SLC35F4: variants seen among roughly 807,000 people sequenced by gnomAD.
SLC35F4 encodes the protein chromosome 14 open reading frame 36.
Under a neutral mutation model 44.2 loss-of-function variants are expected in SLC35F4, and 24 were observed. That is an observed-to-expected ratio of 0.54 (90% confidence interval 0.39 to 0.76). SLC35F4 has a LOEUF of 0.76. SLC35F4 is among the 30% of genes least tolerant of loss of function. The pLI is 0.00. For synonymous variants in SLC35F4, 238 were observed against 223.6 expected, an observed-to-expected ratio of 1.06 and a Z score of -0.57; for missense variants, 562 against 586.1, an observed-to-expected ratio of 0.96 and a Z score of 0.42.
chr14:57,773,966 T>C (rs2077428717), intron 1 of SLC35F4, among the ~76,000 whole-genome samples: 1 of 152,188 alleles, frequency 6.6e-6, no homozygotes, highest in Non-Finnish European at 1.5e-5. Context: ...TTAGTGGAGT[T>C]CAGAAAACAA....
intron 1 of SLC35F4, among the ~76,000 whole-genome samples, chr14:57,923,875 T>C (rs1445736602): frequency 6.6e-6 from 1 of 152,262 alleles, no homozygotes; most frequent in Non-Finnish European, 1.5e-5. Context: ...ATGGTTCGGC[T>C]GTGTCCCCAC....
At chr14:57,778,925 G>T (rs1203546863) in intron 1 of SLC35F4, among the ~76,000 whole-genome samples, 1 of 152,084 alleles carries the variant, frequency 6.6e-6, no homozygotes, top group Non-Finnish European at 1.5e-5. Flanking sequence ...TGAAACCAAT[G>T]AGAATAATGA....
At chr14:57,676,553 T>A (rs1213392579) in intron 1 of SLC35F4, among the ~76,000 whole-genome samples, 1 of 152,230 alleles carries the variant, frequency 6.6e-6, no homozygotes, top group Admixed American at 6.5e-5. Context: ...TTGCACATCC[T>A]GCACATGTAT....
intron 1 of SLC35F4, chr14:57,837,659 A>G (rs1466096988): frequency 6.6e-6 from 1 of 152,146 alleles, no homozygotes; most frequent in Non-Finnish European, 1.5e-5. Context: ...ACCGTCACAT[A>G]TCATACCATC....
upstream of SLC35F4, chr14:57,866,155 G>T (rs1888146440): frequency 5.9e-6 from 1 of 170,546 alleles, no homozygotes; most frequent in Admixed American, 6.4e-5. Context: ...CCACCTGGTC[G>T]CCAGCTTTCA....
intron 1 of SLC35F4, among the ~76,000 whole-genome samples, chr14:57,789,421 A>G (rs1037450593): frequency 6.6e-6 from 1 of 152,214 alleles, no homozygotes; most frequent in African/African-American, 2.4e-5. Flanking sequence ...TCCTGGACAC[A>G]TACACCCTCC....
At chr14:57,771,549 G>A (rs144963041) in intron 1 of SLC35F4, among the ~76,000 whole-genome samples, 258 of 120,718 alleles carry the variant, frequency 2.1e-3, no homozygotes, top group Non-Finnish European at 3.3e-3. Context: ...GAAGTTATAG[G>A]TTGTCACTTC....
intron 1 of SLC35F4, chr14:57,602,476 T>G (rs991491841): frequency 4.6e-5 from 7 of 152,184 alleles, no homozygotes; most frequent in African/African-American, 1.7e-4. Context: ...AGCTGGAATG[T>G]CTCCTTTTGA....
At chr14:57,751,508 C>T (rs1434728832) in intron 1 of SLC35F4, among the ~76,000 whole-genome samples, 1 of 152,168 alleles carries the variant, frequency 6.6e-6, no homozygotes, top group East Asian at 1.9e-4. Flanking sequence ...GTACTGTATA[C>T]ATGGAGATTT....
intron 1 of SLC35F4, among the ~76,000 whole-genome samples, chr14:57,850,436 G>A (rs1235567125): frequency 6.6e-6 from 1 of 152,078 alleles, no homozygotes; most frequent in Non-Finnish European, 1.5e-5. Flanking sequence ...AAGAAAATGT[G>A]GAGTTCTTCT....
downstream of SLC35F4, chr14:57,976,749 T>G (rs1024721060): frequency 6.6e-6 from 1 of 152,228 alleles, no homozygotes; most frequent in Non-Finnish European, 1.5e-5. Flanking sequence ...ATATAGCCAC[T>G]GTCTAGCAAG....
At chr14:57,573,914 G>C (rs765749693) in intron 4 of SLC35F4, among the ~76,000 whole-genome samples, 7 of 152,154 alleles carry the variant, frequency 4.6e-5, no homozygotes, top group African/African-American at 1.7e-4. Context: ...TGAAGCCAAG[G>C]CTAACAAAAC....
chr14:57,704,608 G>A (rs535801030), intron 1 of SLC35F4, among the ~76,000 whole-genome samples: 8 of 152,148 alleles, frequency 5.3e-5, no homozygotes, highest in East Asian at 1.9e-4. Flanking sequence ...CCCCTGTTGC[G>A]GGAGACAAGG....
intron 1 of SLC35F4, among the ~76,000 whole-genome samples, chr14:57,689,929 T>C (rs1347100478): frequency 6.6e-6 from 1 of 152,178 alleles, no homozygotes; most frequent in Non-Finnish European, 1.5e-5. Flanking sequence ...GCTCAAATTT[T>C]GTTTTAGCAT....
chr14:57,792,072 C>T lies in SLC35F4; in HGVS notation c.103+73651G>A, dbSNP rs935702493. Among the ~76,000 whole-genome samples the T allele has an allele frequency of 2.6e-5, 4 of 151,864 alleles. No individual in the cohort carries two copies. The East Asian group carries it at 7.7e-4, about 29-fold the overall frequency. On this transcript the variant is annotated intron_variant, in intron 1 of 7. Coordinates refer to ENST00000556826, the MANE Select transcript of SLC35F4 (RefSeq NM_001306087.2). ...GCACATGTGTACCTATGTAACAAAC[C>T]TGCACTTTCTGCACATGTATCCCAG...
intron 1 of SLC35F4, among the ~76,000 whole-genome samples, chr14:57,615,167 C>A (rs998615318): frequency 2.0e-5 from 3 of 152,130 alleles, no homozygotes; most frequent in African/African-American, 7.2e-5. Context: ...TCACTCTCAC[C>A]TCCTTTAAAA....
chr14:57,680,797 G>A (rs1347382189), intron 1 of SLC35F4, among the ~76,000 whole-genome samples: 1 of 151,980 alleles, frequency 6.6e-6, no homozygotes, highest in East Asian at 1.9e-4. Flanking sequence ...AAATACCTAG[G>A]AATTCAACTT....
At chr14:57,817,726 G>C (rs771260364) in intron 1 of SLC35F4, among the ~76,000 whole-genome samples, 8 of 152,090 alleles carry the variant, frequency 5.3e-5, no homozygotes, top group African/African-American at 9.7e-5. Flanking sequence ...AAAGCCACCT[G>C]ATTCTGACCC....
At chr14:57,711,549 T>C (rs2075818497) in intron 1 of SLC35F4, among the ~76,000 whole-genome samples, 1 of 152,156 alleles carries the variant, frequency 6.6e-6, no homozygotes, top group Admixed American at 6.5e-5. Flanking sequence ...CTAATAGCAA[T>C]AGCACTGGCA....
Sources: gnomAD v4.1 joint callset for allele counts (sites outside exome capture counted in the v4.1 genomes callset) on GRCh38, gnomAD v4.1.1 for gene constraint, MANE v1.5 for transcripts, NCBI Gene and HGNC (gene_info 2026-07-23, HGNC 2026-07-21) for gene names.